Variants in NTM observed in about 807,000 individuals in gnomAD.
The protein encoded by NTM is neurotrimin, also known as IgLON family member 2.
Under a neutral mutation model 42.1 loss-of-function variants are expected in NTM, and 13 were observed. The ratio of observed to expected loss-of-function variants is 0.31; its 90% CI spans 0.20 to 0.49. The LOEUF is 0.49. NTM is among the 20% of genes least tolerant of loss of function. The pLI is 0.99. For synonymous variants in NTM, 187 were observed against 179.2 expected (o/e 1.04, Z -0.35); for missense variants, 373 against 452.8 (o/e 0.82, Z 1.60).
intron 6 of NTM, 82 bp from the exon 7 acceptor site, chr11:132,314,470 C>A: frequency 1.4e-6 from 2 of 1,453,750 alleles, no homozygotes; most frequent in Non-Finnish European, 1.8e-6. Flanking sequence ...AGGAGAAGAC[C>A]AGGAATCCCT....
chr11:131,699,129 A>G (rs998515192), intron 1 of NTM, among the ~76,000 whole-genome samples: 1 of 152,214 alleles, frequency 6.6e-6, no homozygotes, highest in Non-Finnish European at 1.5e-5. Flanking sequence ...TAACTAAAGA[A>G]GTAATTAAAC....
At chr11:132,036,461 G>A (rs1565996978) in intron 2 of NTM, among the ~76,000 whole-genome samples, 1 of 152,144 alleles carries the variant, frequency 6.6e-6, no homozygotes, top group South Asian at 2.1e-4. Flanking sequence ...TCATGTTAAT[G>A]CAGTGGCTGT....
intron 1 of NTM, among the ~76,000 whole-genome samples, chr11:131,520,147 A>T (rs2049433138): frequency 6.6e-6 from 1 of 152,244 alleles, no homozygotes; most frequent in South Asian, 2.1e-4. Context: ...ATAAAACATC[A>T]CATTTCTAAG....
intron 1 of NTM, among the ~76,000 whole-genome samples, chr11:131,694,137 GC>G (rs2075137833): frequency 1.3e-5 from 2 of 152,288 alleles, no homozygotes; most frequent in Middle Eastern, 3.4e-3. Flanking sequence ...GACAGTATTT[GC>G]AGATGCTCAC....
At chr11:131,912,306 C>G (rs1174898092) in intron 2 of NTM, among the ~76,000 whole-genome samples, 2 of 152,170 alleles carry the variant, frequency 1.3e-5, no homozygotes, top group Admixed American at 6.5e-5. Context: ...TCTGTTCCTG[C>G]TCTCCACCAA....
chr11:131,544,549 G>T (rs572987377), intron 1 of NTM, among the ~76,000 whole-genome samples: 1 of 152,080 alleles, frequency 6.6e-6, no homozygotes, highest in African/African-American at 2.4e-5. Flanking sequence ...TTCTGCCTAT[G>T]GTAATATTTT....
intron 1 of NTM, among the ~76,000 whole-genome samples, chr11:131,667,932 C>A (rs765672662): frequency 1.3e-5 from 2 of 152,228 alleles, no homozygotes; most frequent in Non-Finnish European, 2.9e-5. Flanking sequence ...ACTCCAAGGG[C>A]ACCTCTCTTC....
intron 3 of NTM, among the ~76,000 whole-genome samples, chr11:132,187,422 G>C (rs1379635811): frequency 6.6e-6 from 1 of 152,102 alleles, no homozygotes; most frequent in Admixed American, 6.6e-5. Flanking sequence ...AGGGTGAAAC[G>C]CCTGCTCAGT....
chr11:131,890,671 C>T (rs972393368), intron 1 of NTM, among the ~76,000 whole-genome samples: 1 of 152,134 alleles, frequency 6.6e-6, no homozygotes, highest in Non-Finnish European at 1.5e-5. Context: ...AAAAATAGCA[C>T]CACTACCCAG....
At chr11:131,641,847 C>A (rs1436862976) in intron 1 of NTM, among the ~76,000 whole-genome samples, 1 of 151,962 alleles carries the variant, frequency 6.6e-6, no homozygotes, top group Non-Finnish European at 1.5e-5. Context: ...CTGCTTCAGC[C>A]TCCCCAGTAG....
chr11:131,993,072 T>G (rs1316481813), intron 2 of NTM, among the ~76,000 whole-genome samples: 1 of 152,194 alleles, frequency 6.6e-6, no homozygotes, highest in Non-Finnish European at 1.5e-5. Context: ...TTCAGTAAGT[T>G]ATTCTAATGC....
chr11:132,172,654 T>C (rs1447759634), intron 3 of NTM, among the ~76,000 whole-genome samples: 1 of 152,228 alleles, frequency 6.6e-6, no homozygotes, highest in Non-Finnish European at 1.5e-5. Context: ...TCACAAGATA[T>C]ATAATTTTCC....
chr11:131,962,505 G>A (rs2062322225), intron 2 of NTM, among the ~76,000 whole-genome samples: 1 of 152,178 alleles, frequency 6.6e-6, no homozygotes, highest in Admixed American at 6.5e-5. Context: ...CTCCCTGTGA[G>A]AACACAACAA....
At chr11:131,529,237 C>T (rs1380524234) in intron 1 of NTM, among the ~76,000 whole-genome samples, 2 of 152,170 alleles carry the variant, frequency 1.3e-5, no homozygotes, top group African/African-American at 4.8e-5. Flanking sequence ...GGGCTGGTCC[C>T]CAGATAGAAA....
intron 3 of NTM, among the ~76,000 whole-genome samples, chr11:132,196,776 G>A (rs1275480329): frequency 6.6e-6 from 1 of 152,108 alleles, no homozygotes; most frequent in South Asian, 2.1e-4. Context: ...CTACTTGAGA[G>A]GGGGAGGATG....
chr11:131,989,451 G>A (rs765156707), intron 2 of NTM, among the ~76,000 whole-genome samples: 1 of 152,170 alleles, frequency 6.6e-6, no homozygotes, highest in East Asian at 1.9e-4. Flanking sequence ...TAAAAGAAAC[G>A]AACTCATAGG....
At chr11:131,371,391 C>A (rs1176716223) in intron 1 of NTM, among the ~76,000 whole-genome samples, 6 of 152,132 alleles carry the variant, frequency 3.9e-5, no homozygotes, top group African/African-American at 1.4e-4. Flanking sequence ...TTCTGGTCAG[C>A]GATCCAGCTG....
intron 2 of NTM, among the ~76,000 whole-genome samples, chr11:131,931,602 T>A (rs917372321): frequency 1.3e-5 from 2 of 151,810 alleles, no homozygotes; most frequent in Admixed American, 6.6e-5. Flanking sequence ...CTAGGTGATG[T>A]TTGGGCTACA....
At chr11:131,995,358 C>T (rs142113570) in intron 2 of NTM, among the ~76,000 whole-genome samples, 1,659 of 152,104 alleles carry the variant, frequency 0.011, 29 homozygotes, top group African/African-American at 0.038. Flanking sequence ...ACTACAACAA[C>T]GGAATGGAAG....
Sources: allele counts gnomAD v4.1 joint callset (sites outside exome capture counted in the v4.1 genomes callset), GRCh38; gene constraint gnomAD v4.1.1; transcripts MANE v1.5; gene names NCBI Gene and HGNC (gene_info 2026-07-23, HGNC 2026-07-21).